Variants in KCNH8 observed in about 807,000 individuals in gnomAD.
The protein encoded by KCNH8 is potassium voltage-gated channel subfamily H member 8.
In KCNH8, 70 loss-of-function variants were observed where a neutral mutation model predicts 103.6. That is an observed-to-expected ratio of 0.68 (90% CI 0.56 to 0.82). KCNH8 has a LOEUF of 0.82. KCNH8 is among the 40% of genes least tolerant of loss of function. The probability of loss-of-function intolerance (pLI) is 0.00; values close to 1 mark genes in which losing one functional copy is unlikely to be tolerated. For missense variants in KCNH8, 1,217 were observed against 1,329.9 expected, an observed-to-expected ratio of 0.92 and a Z score of 1.32; for synonymous variants, 498 against 489.4, an observed-to-expected ratio of 1.02 and a Z score of -0.23.
Position 19,225,536 on chromosome 3 carries a change from C to T in KCNH8, c.77-28118C>T, listed in dbSNP as rs572060985. Among the ~76,000 whole-genome samples, 18 of 152,188 alleles carry T rather than the reference C, an allele frequency of 1.2e-4. No individual in the cohort carries two copies. In the South Asian group the frequency reaches 3.7e-3, roughly 32 times the overall value. ...GTATCTGTTCTTCTCCTACGGGCTT[C>T]TAAGAATGAGAATCTTCTGGACGTA... On this transcript the variant is annotated intron_variant, in intron 1 of 15. Transcript: ENST00000328405.
intron 11 of KCNH8, among the ~76,000 whole-genome samples, chr3:19,466,545 CCT>C: frequency 6.6e-6 from 1 of 152,088 alleles, no homozygotes; most frequent in South Asian, 2.1e-4. Context: ...CAGCCACCAC[CCT>C]GATTAGTCAG....
chr3:19,186,831 G>A (rs1009419389), intron 1 of KCNH8, among the ~76,000 whole-genome samples: 3 of 152,088 alleles, frequency 2.0e-5, no homozygotes, highest in African/African-American at 7.2e-5. Context: ...AGGACAATGT[G>A]TAGTTTTTCA....
intron 10 of KCNH8, among the ~76,000 whole-genome samples, chr3:19,456,101 T>A (rs1270113927): frequency 6.6e-6 from 1 of 152,070 alleles, no homozygotes; most frequent in African/African-American, 2.4e-5. Flanking sequence ...CCACACCATG[T>A]GGCTATGTAT....
chr3:19,266,554 A>G (rs2064513579), intron 2 of KCNH8, among the ~76,000 whole-genome samples: 1 of 152,038 alleles, frequency 6.6e-6, no homozygotes, highest in Non-Finnish European at 1.5e-5. Context: ...CTTTCTCTTT[A>G]TGCATCTCTG....
chr3:19,467,410 G>T (rs1559341303), intron 11 of KCNH8, among the ~76,000 whole-genome samples: 1 of 152,022 alleles, frequency 6.6e-6, no homozygotes, highest in Non-Finnish European at 1.5e-5. Flanking sequence ...ATTTCTGATT[G>T]CTTTCTCTGT....
At chr3:19,252,256 G>T (rs1216349842) in intron 1 of KCNH8, among the ~76,000 whole-genome samples, 2 of 152,020 alleles carry the variant, frequency 1.3e-5, no homozygotes, top group African/African-American at 4.8e-5. Flanking sequence ...AATATTGACT[G>T]TCTCTCCCCC....
At chr3:19,312,042 G>A (rs1230971958) in intron 3 of KCNH8, among the ~76,000 whole-genome samples, 1 of 151,762 alleles carries the variant, frequency 6.6e-6, no homozygotes, top group Non-Finnish European at 1.5e-5. Flanking sequence ...GCAGTGTTTT[G>A]CACTTATATA....
At position 19,456,887 on chromosome 3, in the gene KCNH8, G is replaced by GA; in HGVS notation, c.1947dup (p.Val650SerfsTer19). On this transcript the variant is annotated frameshift_variant, in exon 11 of 16. Coordinates refer to ENST00000328405, the MANE Select transcript of KCNH8 (RefSeq NM_144633.3). LOFTEE classifies it high-confidence loss of function. ...GTGTATCATCCTCAAAGGACTCTTTGAAGTGCTAGACCTTTACCCAGAATA... is the reference window on the plus strand; with the variant it reads ...GTGTATCATCCTCAAAGGACTCTTTGAAAGTGCTAGACCTTTACCCAGAATA... 6.2e-7 allele frequency: 1 copy of GA among 1,612,598 alleles called. No homozygotes were observed. The highest frequency in any genetic ancestry group is 2.2e-5 in the East Asian group (1 of 44,806).
intron 7 of KCNH8, among the ~76,000 whole-genome samples, chr3:19,436,940 A>G (rs945839754): frequency 2.0e-5 from 3 of 152,142 alleles, no homozygotes; most frequent in African/African-American, 7.2e-5. Flanking sequence ...GTTGAAAAAC[A>G]CTCTGTAGCA....
At chr3:19,406,384 C>G (rs1448817200) in intron 7 of KCNH8, among the ~76,000 whole-genome samples, 1 of 152,082 alleles carries the variant, frequency 6.6e-6, no homozygotes, top group African/African-American at 2.4e-5. Context: ...TTACATGCAA[C>G]TTTTCAGAAA....
chr3:19,420,657 G>T (rs2066937021), intron 7 of KCNH8, among the ~76,000 whole-genome samples: 1 of 152,172 alleles, frequency 6.6e-6, no homozygotes, highest in Admixed American at 6.5e-5. Context: ...GAGTTGATTA[G>T]TGTCTGATTT....
chr3:19,172,212 G>A (rs2063355024), intron 1 of KCNH8, among the ~76,000 whole-genome samples: 1 of 152,048 alleles, frequency 6.6e-6, no homozygotes, highest in Non-Finnish European at 1.5e-5. Flanking sequence ...CAAAAAAATT[G>A]TATTTGGAAC....
At chr3:19,426,505 A>T (rs1420872942) in intron 7 of KCNH8, among the ~76,000 whole-genome samples, 1 of 151,192 alleles carries the variant, frequency 6.6e-6, no homozygotes, top group Non-Finnish European at 1.5e-5. Flanking sequence ...TGTGCTCTGC[A>T]CTAGAAATAA....
intron 1 of KCNH8, among the ~76,000 whole-genome samples, 193 bp downstream of exon 1, chr3:19,148,988 A>G (rs1267449866): frequency 6.6e-6 from 1 of 152,060 alleles, no homozygotes; most frequent in Non-Finnish European, 1.5e-5. Flanking sequence ...TATTGGTGTA[A>G]TAGTTGGCTC....
intron 5 of KCNH8, among the ~76,000 whole-genome samples, chr3:19,374,438 C>T (rs1322296157): frequency 2.6e-5 from 4 of 151,682 alleles, no homozygotes; most frequent in Admixed American, 1.3e-4. Context: ...CAACCCCTGC[C>T]TTTTTTTGTT....
intron 1 of KCNH8, among the ~76,000 whole-genome samples, chr3:19,240,398 A>C (rs1002154878): frequency 6.6e-6 from 1 of 152,086 alleles, no homozygotes; most frequent in East Asian, 1.9e-4. Context: ...GGATCGCCTG[A>C]GGTCGGGAGT....
intron 5 of KCNH8, among the ~76,000 whole-genome samples, chr3:19,350,739 C>T (rs1255461243): frequency 6.6e-6 from 1 of 152,120 alleles, no homozygotes; most frequent in Non-Finnish European, 1.5e-5. Context: ...TCACCATCAT[C>T]AGAGACCAAA....
intron 7 of KCNH8, among the ~76,000 whole-genome samples, chr3:19,421,589 A>G (rs916099312): frequency 6.6e-6 from 1 of 152,100 alleles, no homozygotes; most frequent in South Asian, 2.1e-4. Context: ...CTTTACTACC[A>G]AAGATTTAAT....
At chr3:19,198,024 G>A (rs1472944757) in intron 1 of KCNH8, among the ~76,000 whole-genome samples, 5 of 152,060 alleles carry the variant, frequency 3.3e-5, no homozygotes, top group South Asian at 2.1e-4. Flanking sequence ...AAAGGTTTTC[G>A]GAAAGGTTGG....
Sources: gnomAD v4.1 joint callset for allele counts (sites outside exome capture counted in the v4.1 genomes callset) on GRCh38, gnomAD v4.1.1 for gene constraint, MANE v1.5 for transcripts, NCBI Gene and HGNC (gene_info 2026-07-23, HGNC 2026-07-21) for gene names.